Variants in WWOX observed in about 807,000 individuals in gnomAD.
WWOX encodes WW domain containing oxidoreductase.
Under a neutral mutation model 46.2 loss-of-function variants are expected in WWOX, and 69 were observed. The observed-to-expected ratio is 1.49, with a 90% confidence interval of 1.23 to 1.82. WWOX has a LOEUF of 1.82. WWOX is among the 40% of genes most tolerant of loss of function. WWOX has a pLI of 0.00. For missense variants in WWOX, 919 were observed against 542.6 expected, an observed-to-expected ratio of 1.69 and a Z score of -6.89; for synonymous variants, 359 against 202.6, an observed-to-expected ratio of 1.77 and a Z score of -6.56.
chr16:78,365,438 C>T (rs2081513311), intron 5 of WWOX, among the ~76,000 whole-genome samples: 2 of 152,176 alleles, frequency 1.3e-5, no homozygotes, highest in African/African-American at 4.8e-5. Context: ...CAGAGCATCC[C>T]ACCAATAAAC....
At chr16:78,783,021 CT>C (rs1425588140) in intron 8 of WWOX, among the ~76,000 whole-genome samples, 1 of 152,202 alleles carries the variant, frequency 6.6e-6, no homozygotes, top group African/African-American at 2.4e-5. Context: ...CTAGTGTGAT[CT>C]TTCTGAAGTC....
At chr16:78,414,083 C>T (rs2082743020) in intron 6 of WWOX, among the ~76,000 whole-genome samples, 1 of 151,932 alleles carries the variant, frequency 6.6e-6, no homozygotes, top group African/African-American at 2.4e-5. Flanking sequence ...TGTGACATTC[C>T]TCTTCCTGAG....
chr16:78,908,035 C>G (rs2045011414), intron 8 of WWOX, among the ~76,000 whole-genome samples: 1 of 152,162 alleles, frequency 6.6e-6, no homozygotes. Flanking sequence ...GGATGAAGCC[C>G]TGGCATACTA....
chr16:78,278,757 G>T (rs1458621348), intron 5 of WWOX: 4 of 1,099,438 alleles, frequency 3.6e-6, no homozygotes, highest in Non-Finnish European at 5.4e-6. Flanking sequence ...CTATCTCGGT[G>T]ATCTGACAGA....
intron 5 of WWOX, among the ~76,000 whole-genome samples, chr16:78,169,671 G>T (rs1296448282): frequency 6.6e-6 from 1 of 152,030 alleles, no homozygotes; most frequent in Non-Finnish European, 1.5e-5. Flanking sequence ...CGGAACTTGG[G>T]ATCTAAAACT....
chr16:78,715,641 A>G (rs2048543838), intron 8 of WWOX, among the ~76,000 whole-genome samples: 1 of 151,976 alleles, frequency 6.6e-6, no homozygotes, highest in Non-Finnish European at 1.5e-5. Context: ...CACCACACCC[A>G]GCTTTTTGTA....
chr16:79,092,487 A>G (rs984991216), intron 8 of WWOX, among the ~76,000 whole-genome samples: 1 of 152,162 alleles, frequency 6.6e-6, no homozygotes, highest in Non-Finnish European at 1.5e-5. Flanking sequence ...GGCTGACCCT[A>G]TACATCTTCC....
At chr16:78,400,566 T>A (rs536720222) in intron 6 of WWOX, among the ~76,000 whole-genome samples, 1 of 152,266 alleles carries the variant, frequency 6.6e-6, no homozygotes, top group East Asian at 1.9e-4. Context: ...TTTACAATTT[T>A]ATTTCCCAAC....
intron 8 of WWOX, among the ~76,000 whole-genome samples, chr16:78,505,840 G>C (rs970879833): frequency 6.6e-6 from 1 of 151,562 alleles, no homozygotes; most frequent in African/African-American, 2.4e-5. Flanking sequence ...TCTGTAGAGA[G>C]AGTGGGTGGA....
intron 5 of WWOX, among the ~76,000 whole-genome samples, chr16:78,354,997 T>C (rs1186417894): frequency 2.0e-5 from 3 of 151,994 alleles, no homozygotes; most frequent in African/African-American, 4.8e-5. Context: ...CCGGGAGTGG[T>C]GGTGCATGTC....
intron 5 of WWOX, among the ~76,000 whole-genome samples, chr16:78,302,611 A>C (rs535164821): frequency 1.3e-4 from 20 of 152,304 alleles, no homozygotes; most frequent in African/African-American, 4.8e-4. Flanking sequence ...TAGACTTGAA[A>C]ATTGGAAGAG....
rs1257682506 is a variant in WWOX at position 78,441,257 on chromosome 16, T to C, written c.1056+8505T>C. ...TATTTAATGTCTGTCCCCCCTTCTC[T>C]TGACAGTGGTGTTTTTGCCTTCACA... On this transcript the variant is annotated intron_variant, in intron 8 of 8. Coordinates refer to ENST00000566780, the MANE Select transcript of WWOX (RefSeq NM_016373.4). Among the ~76,000 whole-genome samples, 3 of 152,194 alleles carry C rather than the reference T, an allele frequency of 2.0e-5. No homozygotes were observed. The East Asian group carries it at 5.8e-4, about 29-fold the overall frequency.
At chr16:78,605,071 C>A (rs1597336659) in intron 8 of WWOX, among the ~76,000 whole-genome samples, 1 of 131,610 alleles carries the variant, frequency 7.6e-6, no homozygotes, top group African/African-American at 2.8e-5. Context: ...ATTTTGTTTT[C>A]TTTTTAAAGC....
intron 5 of WWOX, among the ~76,000 whole-genome samples, chr16:78,362,211 C>G (rs907406762): frequency 4.6e-5 from 7 of 152,020 alleles, no homozygotes; most frequent in Admixed American, 1.3e-4. Context: ...GTACTGAACT[C>G]GTGGGAGCAT....
At chr16:78,793,800 G>C (rs560249127) in intron 8 of WWOX, among the ~76,000 whole-genome samples, 1 of 152,188 alleles carries the variant, frequency 6.6e-6, no homozygotes, top group South Asian at 2.1e-4. Context: ...TTTTGGCTGG[G>C]CAAGGTGGCT....
intron 8 of WWOX, among the ~76,000 whole-genome samples, chr16:78,481,547 CCACCCCTTA>C (rs985512917): frequency 1.3e-5 from 2 of 152,012 alleles, no homozygotes; most frequent in Non-Finnish European, 2.9e-5. Flanking sequence ...TCACCTCCCA[CCACCCCTTA>C]ATTTAAAGGG....
At chr16:78,333,424 A>T (rs957208809) in intron 5 of WWOX, among the ~76,000 whole-genome samples, 9 of 152,138 alleles carry the variant, frequency 5.9e-5, no homozygotes, top group Admixed American at 3.3e-4. Flanking sequence ...CTTATCAACC[A>T]TTATAATCAT....
At chr16:79,000,166 C>G (rs1272895222) in intron 8 of WWOX, among the ~76,000 whole-genome samples, 1 of 152,138 alleles carries the variant, frequency 6.6e-6, no homozygotes, top group Non-Finnish European at 1.5e-5. Context: ...CTCCCTGCAC[C>G]CCTTCACTGG....
intron 6 of WWOX, among the ~76,000 whole-genome samples, chr16:78,408,078 A>G (rs1272870081): frequency 6.6e-6 from 1 of 152,182 alleles, no homozygotes; most frequent in Non-Finnish European, 1.5e-5. Flanking sequence ...ATGCCTAGGT[A>G]GATAGGAGCC....
Sources: gnomAD v4.1 joint callset for allele counts (sites outside exome capture counted in the v4.1 genomes callset) on GRCh38, gnomAD v4.1.1 for gene constraint, MANE v1.5 for transcripts, NCBI Gene and HGNC (gene_info 2026-07-23, HGNC 2026-07-21) for gene names.